The following SCD5 variants were observed in gnomAD, a reference collection of about 807,000 sequenced individuals.
SCD5 encodes the protein acyl-CoA-desaturase 4.
SCD5 carries 20 observed loss-of-function variants against 30.4 expected under a neutral mutation model. The observed-to-expected ratio is 0.66, with a 90% confidence interval of 0.46 to 0.96. The LOEUF is 0.96. Among genes scored for constraint, SCD5 ranks in the 40% least tolerant of loss-of-function variants. SCD5 has a pLI of 0.00. For missense variants in SCD5, 381 were observed against 443.3 expected, an observed-to-expected ratio of 0.86 and a Z score of 1.26; for synonymous variants, 173 against 176.4, an observed-to-expected ratio of 0.98 and a Z score of 0.16.
chr4:82,797,242 T>C (rs1722244733), intron 1 of SCD5, among the ~76,000 whole-genome samples: 1 of 152,212 alleles, frequency 6.6e-6, no homozygotes, highest in African/African-American at 2.4e-5. Flanking sequence ...GTAGGTTGTG[T>C]TTCTCCTGCC....
chr4:82,639,788 G>T (rs947903806), intron 3 of SCD5, among the ~76,000 whole-genome samples: 1 of 152,190 alleles, frequency 6.6e-6, no homozygotes, highest in African/African-American at 2.4e-5. Context: ...GGCAACAGAA[G>T]CCATCTTGCA....
intron 1 of SCD5, among the ~76,000 whole-genome samples, chr4:82,760,515 C>T (rs1281695499): frequency 6.6e-6 from 1 of 152,182 alleles, no homozygotes; most frequent in African/African-American, 2.4e-5. Flanking sequence ...CCCACCTCAG[C>T]CTCCCGAGTA....
intron 2 of SCD5, chr4:82,698,091 A>G (rs919056214): frequency 1.1e-5 from 5 of 456,504 alleles, no homozygotes; most frequent in Middle Eastern, 3.2e-4. Flanking sequence ...GCCTGTTTAC[A>G]TGGAGGAGAA....
intron 1 of SCD5, among the ~76,000 whole-genome samples, chr4:82,730,250 ATATAT>A (rs1348144228): frequency 8.8e-6 from 1 of 113,284 alleles, no homozygotes; most frequent in Non-Finnish European, 1.8e-5. Flanking sequence ...AAAACATATA[ATATAT>A]TATACATTTA....
At chr4:82,679,226 A>AAGAC (rs1728504084) in intron 3 of SCD5, among the ~76,000 whole-genome samples, 1 of 90,288 alleles carries the variant, frequency 1.1e-5, no homozygotes, top group African/African-American at 4.2e-5. Context: ...AAAGAAAAGA[A>AAGAC]AGAAAGAAAG....
chr4:82,717,182 T>C lies in SCD5; in HGVS notation c.233-11769A>G, dbSNP rs929302028. On this transcript the variant is annotated intron_variant, in intron 1 of 4. Coordinates refer to ENST00000319540, the MANE Select transcript of SCD5 (RefSeq NM_001037582.3). ...CAATAAATATTACTGCAAACACCAT[T>C]ATTTTTATTACTAGGCAGACATTGC... Among the ~76,000 whole-genome samples the C allele has an allele frequency of 4.0e-5, 6 of 151,806 alleles. No individual in the cohort carries two copies. In the South Asian group the frequency reaches 1.2e-3, roughly 31 times the overall value.
In SCD5 at chr4:82,763,216, A is replaced by G. The variant is rs142014461; in HGVS notation, c.232+35090T>C. Among the ~76,000 whole-genome samples, 425 of 152,278 alleles carry G rather than the reference A, an allele frequency of 2.8e-3. 2 individuals are homozygous for G. Among genetic ancestry groups the G allele is most frequent in the African/African-American group, 9.7e-3 (403 of 41,550 alleles). On this transcript the variant is annotated intron_variant, in intron 1 of 4. Transcript: ENST00000319540. ...TTGTATTTGGAGATAGGGCCTTTTA[A>G]GAAGTGATTACGTGGCCAGGCATGG...
intron 3 of SCD5, among the ~76,000 whole-genome samples, chr4:82,640,457 T>C (rs72911246): frequency 1.6e-3 from 238 of 152,356 alleles, no homozygotes; most frequent in African/African-American, 5.4e-3. Flanking sequence ...TTATTCTCTG[T>C]ATTGTCTTCC....
chr4:82,717,104 C>T (rs1720244158), intron 1 of SCD5, among the ~76,000 whole-genome samples: 1 of 151,626 alleles, frequency 6.6e-6, no homozygotes, highest in Admixed American at 6.6e-5. Flanking sequence ...GAACCAACCC[C>T]CTATACATAC....
chr4:82,680,987 T>C, intron 2 of SCD5, 75 bp from the exon 3 acceptor site: 3 of 1,269,168 alleles, frequency 2.4e-6, no homozygotes, highest in South Asian at 2.5e-5. Flanking sequence ...CTTCCCAGCC[T>C]CCCCTCCCCC....
chr4:82,631,686 C>T (rs1727298301), intron 4 of SCD5, among the ~76,000 whole-genome samples, 169 bp from the exon 5 acceptor site: 1 of 152,180 alleles, frequency 6.6e-6, no homozygotes, highest in South Asian at 2.1e-4. Flanking sequence ...GTTAGCTAGA[C>T]AAACAATATG....
intron 2 of SCD5, among the ~76,000 whole-genome samples, chr4:82,696,226 T>C (rs1027444406): frequency 2.0e-5 from 3 of 152,214 alleles, no homozygotes; most frequent in Non-Finnish European, 2.9e-5. Context: ...CAATAAATAT[T>C]ATCATTAATT....
At chr4:82,707,401 C>A (rs1334050269) in intron 1 of SCD5, among the ~76,000 whole-genome samples, 1 of 152,202 alleles carries the variant, frequency 6.6e-6, no homozygotes, top group Non-Finnish European at 1.5e-5. Flanking sequence ...CTAGAGAACT[C>A]ACGGACGGTC....
chr4:82,743,946 C>T (rs1439644466), intron 1 of SCD5, among the ~76,000 whole-genome samples: 1 of 152,054 alleles, frequency 6.6e-6, no homozygotes, highest in Admixed American at 6.5e-5. Flanking sequence ...CCACTTCAGC[C>T]TCCTGAGTAG....
intron 4 of SCD5, among the ~76,000 whole-genome samples, chr4:82,632,752 CATT>C (rs1727322077): frequency 7.2e-6 from 1 of 139,828 alleles, no homozygotes; most frequent in African/African-American, 2.5e-5. Flanking sequence ...GATGGTATCT[CATT>C]GTGGTTTTGA....
Position 82,798,724 on chromosome 4 carries a change from G to C in SCD5, c.-187C>G. ...CAGGGTCTTAGCGTGGCCTAGGGAT[G>C]CAGATCTTGGCGGCCGGCGTCTGTT... On this transcript the variant is annotated 5_prime_UTR_variant, in exon 1 of 5. Transcript: ENST00000319540. 1.8e-6 allele frequency: 1 copy of C among 565,276 alleles called. No homozygotes were observed. 35.0% of individuals were successfully genotyped at this position (565,276 alleles called of 1,614,324 possible). A position where few individuals can be genotyped will look rare whatever the true frequency, so the allele number is the denominator to read the frequency against.
chr4:82,680,648 G>T, intron 3 of SCD5, 59 bp downstream of exon 3: 1 of 1,497,496 alleles, frequency 6.7e-7, no homozygotes, highest in Non-Finnish European at 9.3e-7. Flanking sequence ...CCACCTCATT[G>T]TGCTGTTTCT....
rs528675323 is a variant in SCD5 at position 82,747,429 on chromosome 4, A to G, written c.233-42016T>C. On this transcript the variant is annotated intron_variant, in intron 1 of 4. Coordinates refer to ENST00000319540, the MANE Select transcript of SCD5 (RefSeq NM_001037582.3). Reference sequence around the variant, plus strand: ...TCATCCCTTTCTCTTACCCACTGCTACAAAGGTTTTAGAACAAGACCCATT... The same window carrying G: ...TCATCCCTTTCTCTTACCCACTGCTGCAAAGGTTTTAGAACAAGACCCATT... 3.3e-5 allele frequency among the ~76,000 whole-genome samples: 5 copies of G among 152,326 alleles called. No homozygotes were observed. In the South Asian group the frequency reaches 1.0e-3, roughly 32 times the overall value.
chr4:82,676,718 TCTC>T (rs1328451552), intron 3 of SCD5, among the ~76,000 whole-genome samples: 2 of 152,182 alleles, frequency 1.3e-5, no homozygotes, highest in Non-Finnish European at 2.9e-5. Flanking sequence ...GGCCCTGTGA[TCTC>T]CTCACTTTGT....
Sources: allele counts gnomAD v4.1 joint callset (sites outside exome capture counted in the v4.1 genomes callset), GRCh38; gene constraint gnomAD v4.1.1; transcripts MANE v1.5; gene names NCBI Gene and HGNC (gene_info 2026-07-23, HGNC 2026-07-21).